Variants in ADAM12 observed in about 807,000 individuals in gnomAD.
ADAM12 encodes the protein ADAM metallopeptidase domain 12, also known as disintegrin and metalloproteinase domain-containing protein 12.
ADAM12 carries 70 observed loss-of-function variants against 106.4 expected under a neutral mutation model. That is an observed-to-expected ratio of 0.66 (90% confidence interval 0.54 to 0.80). The LOEUF (loss-of-function observed/expected upper bound fraction) is 0.80. Among genes scored for constraint, ADAM12 ranks in the 30% least tolerant of loss-of-function variants. The pLI is 0.00. For missense variants in ADAM12, 1,010 were observed against 1,171.9 expected, an observed-to-expected ratio of 0.86 and a Z score of 2.02; for synonymous variants, 420 against 433.5, an observed-to-expected ratio of 0.97 and a Z score of 0.39.
chr10:126,025,916 G>C (rs1413792138), intron 21 of ADAM12, among the ~76,000 whole-genome samples: 1 of 152,124 alleles, frequency 6.6e-6, no homozygotes, highest in Non-Finnish European at 1.5e-5. Flanking sequence ...AGAAAAACCA[G>C]GTCCCCTACA....
intron 3 of ADAM12, among the ~76,000 whole-genome samples, chr10:126,202,876 C>T (rs1957728023): frequency 1.4e-5 from 2 of 144,652 alleles, no homozygotes; most frequent in Admixed American, 1.4e-4. Context: ...AAGTGAGACT[C>T]GATCTTTAAA....
chr10:126,121,165 C>CTA (rs371328899), intron 5 of ADAM12, among the ~76,000 whole-genome samples: 1 of 23,062 alleles, frequency 4.3e-5, no homozygotes, highest in Non-Finnish European at 9.3e-5. Flanking sequence ...ACTATATATA[C>CTA]TATATATACT....
chr10:126,098,298 A>T, intron 10 of ADAM12, 118 bp downstream of exon 10: 1 of 811,858 alleles, frequency 1.2e-6, no homozygotes, highest in South Asian at 1.8e-5. Flanking sequence ...CAGTAAAAAT[A>T]GAGTTAAATC....
At chr10:126,227,101 TATCACCAAC>T (rs1324065408) in intron 3 of ADAM12, among the ~76,000 whole-genome samples, 2 of 151,884 alleles carry the variant, frequency 1.3e-5, no homozygotes, top group East Asian at 3.9e-4. Context: ...TCACTATCAT[TATCACCAAC>T]ATCACCACCA....
chr10:126,274,183 A>G (rs1047214954), intron 3 of ADAM12, among the ~76,000 whole-genome samples: 1 of 152,156 alleles, frequency 6.6e-6, no homozygotes, highest in South Asian at 2.1e-4. Context: ...TAAGGATGTC[A>G]TGGTTGGCGG....
chr10:126,036,441 G>GGAAA (rs1954062316), intron 20 of ADAM12, 116 bp from the exon 21 acceptor site: 1 of 1,015,250 alleles, frequency 9.8e-7, no homozygotes. Flanking sequence ...GTGGGGTAAA[G>GGAAA]GAAAGAAATC....
Position 126,155,236 on chromosome 10 carries a change from T to G in ADAM12, c.330A>C (p.Arg110=), listed in dbSNP as rs1362025010. 6.2e-7 allele frequency: 1 copy of G among 1,614,104 alleles called. No homozygotes were observed. The highest frequency in any genetic ancestry group is 8.5e-7 in the Non-Finnish European group (1 of 1,179,984). ...AACGTGCCAGAATTACCGTGTAATT[T>G]CGAGCGAGGGAGACATCAGTACCGT... The part of the protein sequence containing the change: ...LQDGTDVSLA[R]NYTGHCYYHG... The change falls in exon 4 of 23, where the codon CGA becomes CGC. Residue 110 remains arginine, a synonymous_variant. Coordinates refer to ENST00000448723, the MANE Select transcript of ADAM12 (RefSeq NM_001288973.2).
At chr10:126,156,938 C>T (rs955515412) in intron 3 of ADAM12, among the ~76,000 whole-genome samples, 1 of 152,180 alleles carries the variant, frequency 6.6e-6, no homozygotes, top group African/African-American at 2.4e-5. Flanking sequence ...AAATACTGAA[C>T]TTTGTGGATG....
At position 126,069,757 on chromosome 10, in the gene ADAM12, G is replaced by A. The variant is rs540011504; in HGVS notation, c.1323+1720C>T. On this transcript the variant is annotated intron_variant, in intron 12 of 22. Transcript: ENST00000448723. ...CAGTGGTTACAATAGTGGGGTGATG[G>A]TGAGGGCTGTAGTGATGACGGTGGC... Among the ~76,000 whole-genome samples, 12 of 152,292 alleles carry A rather than the reference G, an allele frequency of 7.9e-5. No individual in the cohort carries two copies. In the South Asian group the frequency reaches 2.5e-3, roughly 32 times the overall value.
At chr10:126,191,479 G>A (rs1030736018) in intron 3 of ADAM12, among the ~76,000 whole-genome samples, 1 of 151,992 alleles carries the variant, frequency 6.6e-6, no homozygotes, top group East Asian at 1.9e-4. Context: ...TTCAGCGCAG[G>A]GTCACTGGGA....
chr10:126,131,617 G>A (rs568288220), intron 5 of ADAM12, among the ~76,000 whole-genome samples: 2 of 152,098 alleles, frequency 1.3e-5, no homozygotes, highest in Admixed American at 6.6e-5. Context: ...CTCTGTACAC[G>A]CACAAAGAGA....
At chr10:126,133,555 C>T (rs879516806) in intron 5 of ADAM12, among the ~76,000 whole-genome samples, 28 of 152,196 alleles carry the variant, frequency 1.8e-4, no homozygotes, top group African/African-American at 6.5e-4. Flanking sequence ...TGTGCACATT[C>T]CCTACAGTCT....
rs181677161 is a variant in ADAM12, at chr10:126,387,932, C to G, written c.88+126G>C. 3.1e-3 allele frequency: 3,530 copies of G among 1,138,694 alleles called. 95 individuals carry two copies. In the African/African-American group the frequency reaches 0.051, roughly 17 times the overall value. The allele number at this position is 1,138,694 out of a possible 1,614,324, so 70.5% of individuals were successfully genotyped here. A position where few individuals can be genotyped will look rare whatever the true frequency, so the allele number is the denominator to read the frequency against. ...CTCGCCGCGCTGGAAGCGCAAGCCC[C>G]GGGGCTCCGGAGATGCGCCGGGGCG... On this transcript the variant is annotated intron_variant, in intron 1 of 22. Coordinates refer to ENST00000448723, the MANE Select transcript of ADAM12 (RefSeq NM_001288973.2).
At chr10:126,161,201 C>A (rs1374146015) in intron 3 of ADAM12, among the ~76,000 whole-genome samples, 2 of 152,234 alleles carry the variant, frequency 1.3e-5, no homozygotes, top group South Asian at 2.1e-4. Context: ...AGAGCCTGCA[C>A]CTCCTCCTGG....
Position 126,064,095 on chromosome 10 carries a change from G to T in ADAM12, c.1609+711C>A, listed in dbSNP as rs1438123404. Among the ~76,000 whole-genome samples the T allele has an allele frequency of 6.6e-6, 1 of 152,188 alleles. No individual in the cohort carries two copies. The highest frequency in any genetic ancestry group is 1.5e-5 in the Non-Finnish European group (1 of 68,034). The stretch of plus-strand genomic sequence containing the variant: ...GCATCATCTTCTGTAAAGCTTCATA[G>T]TCCCCACTTCAGGGGCTTGTTGGAG... On this transcript the variant is annotated intron_variant, in intron 14 of 22. Transcript: ENST00000448723. The surrounding 1 kb of genome is among the most constrained non-coding windows in gnomAD (Gnocchi z 4.4).
At chr10:126,209,231 G>C (rs886892287) in intron 3 of ADAM12, among the ~76,000 whole-genome samples, 7 of 152,284 alleles carry the variant, frequency 4.6e-5, no homozygotes, top group Middle Eastern at 3.4e-3. Context: ...TTGATGAAAA[G>C]GGGTAAAAAG....
chr10:126,126,806 G>A (rs2133650837), intron 5 of ADAM12, among the ~76,000 whole-genome samples: 1 of 152,200 alleles, frequency 6.6e-6, no homozygotes, highest in Non-Finnish European at 1.5e-5. Flanking sequence ...GGGCCTGGGT[G>A]GATACAATAG....
intron 3 of ADAM12, among the ~76,000 whole-genome samples, chr10:126,156,386 G>C (rs1320293620): frequency 1.3e-5 from 2 of 152,204 alleles, no homozygotes; most frequent in Non-Finnish European, 2.9e-5. Context: ...GCGATTAAAT[G>C]ACTTTGTAAC....
At chr10:126,100,695 CAGAG>C (rs1380976937) in intron 9 of ADAM12, among the ~76,000 whole-genome samples, 2 of 152,022 alleles carry the variant, frequency 1.3e-5, no homozygotes, top group East Asian at 3.9e-4. Flanking sequence ...AGCCTGGTGA[CAGAG>C]AGAGACTCTG....
Sources: allele counts gnomAD v4.1 joint callset (sites outside exome capture counted in the v4.1 genomes callset), GRCh38; gene constraint gnomAD v4.1.1; non-coding constraint Gnocchi (gnomAD v3.1); transcripts MANE v1.5; gene names NCBI Gene and HGNC (gene_info 2026-07-23, HGNC 2026-07-21).